Variants in NRL observed in about 807,000 individuals in gnomAD.
NRL encodes the protein neural retina-specific leucine zipper protein.
A neutral mutation model predicts 12.5 loss-of-function variants in NRL; 16 were observed. The observed-to-expected ratio is 1.28, with a 90% CI of 0.87 to 1.95. The LOEUF (loss-of-function observed/expected upper bound fraction) is 1.95. NRL is among the 30% of genes most tolerant of loss of function. The pLI, the probability that NRL is intolerant of heterozygous loss-of-function variation, is 0.00. For synonymous variants in NRL, 142 were observed against 150.9 expected (o/e 0.94, Z 0.43); for missense variants, 314 against 325.8 (o/e 0.96, Z 0.28).
intron 1 of NRL, among the ~76,000 whole-genome samples, chr14:24,096,261 CAG>C (rs1210965789): frequency 1.0e-5 from 1 of 96,880 alleles, no homozygotes; most frequent in African/African-American, 4.1e-5. Flanking sequence ...TTTTTTGAGA[CAG>C]AGTCTTGCTC....
At chr14:24,108,313 T>A (rs2037369154) in intron 1 of NRL, among the ~76,000 whole-genome samples, 1 of 152,208 alleles carries the variant, frequency 6.6e-6, no homozygotes, top group African/African-American at 2.4e-5. Context: ...CATGAACTCA[T>A]ACTGACATGT....
intron 1 of NRL, among the ~76,000 whole-genome samples, chr14:24,095,600 G>C (rs1390263527): frequency 6.6e-6 from 1 of 152,206 alleles, no homozygotes; most frequent in East Asian, 1.9e-4. Flanking sequence ...GTGGCCTCTA[G>C]GAAGAAGAGC....
chr14:24,089,974 T>C (rs1307323727), intron 1 of NRL, among the ~76,000 whole-genome samples: 2 of 152,128 alleles, frequency 1.3e-5, no homozygotes, highest in Non-Finnish European at 2.9e-5. Flanking sequence ...TAGCTGAGGC[T>C]GGAGAAGTCA....
rs1040560141 is a variant in NRL at position 24,081,709 on chromosome 14, G to A, written c.382-141C>T. On this transcript the variant is annotated intron_variant, in intron 2 of 2. Coordinates refer to ENST00000561028, the MANE Select transcript of NRL (RefSeq NM_001354768.3). This position sits in a 1 kb window ranked among gnomAD's most constrained non-coding sequence, Gnocchi z 4.4. ...ACCGGAAGGCTCGCCCTTCCACGCA[G>A]TCTGTTTCGGTCCAGAGCCCGCCCC... The A allele has an allele frequency of 8.5e-6, 13 of 1,525,404 alleles. No individual in the cohort carries two copies. Among genetic ancestry groups the A allele is most frequent in the Non-Finnish European group, 1.1e-5 (12 of 1,140,852 alleles). The allele number at this position is 1,525,404 out of a possible 1,614,324, so 94.5% of individuals were successfully genotyped here. A position where few individuals can be genotyped will look rare whatever the true frequency, so the allele number is the denominator to read the frequency against.
At chr14:24,095,081 C>A (rs1469286484) in intron 1 of NRL, 1 of 456,144 alleles carries the variant, frequency 2.2e-6, no homozygotes, top group Non-Finnish European at 4.4e-6. Context: ...CCCCCAGGCT[C>A]GTCCTGTTTG....
rs1403174005 is a variant in NRL, at chr14:24,094,868, A to G, written c.-27-11993T>C. On this transcript the variant is annotated intron_variant, in intron 1 of 2. Coordinates refer to ENST00000561028, the MANE Select transcript of NRL (RefSeq NM_001354768.3). This position sits in a 1 kb window ranked among gnomAD's most constrained non-coding sequence, Gnocchi z 4.1. ...AGGGTACGTGAGCCCCGGGAGACTA[A>G]GCTCAGAGCCCCCTAAAGAAGGTGG... is the stretch of plus-strand genomic sequence containing the variant. 1.5e-6 allele frequency: 2 copies of G among 1,293,882 alleles called. No homozygotes were observed. Among genetic ancestry groups the G allele is most frequent in the Non-Finnish European group, 2.0e-6 (2 of 989,716 alleles). The allele number at this position is 1,293,882 out of a possible 1,614,324, so 80.2% of individuals were successfully genotyped here.
chr14:24,097,644 G>A (rs1385953036), intron 1 of NRL, among the ~76,000 whole-genome samples: 1 of 150,056 alleles, frequency 6.7e-6, no homozygotes, highest in East Asian at 2.0e-4. Flanking sequence ...CTGGAGTGCA[G>A]TGGCATGATT....
At position 24,100,448 on chromosome 14, in the gene NRL, A is replaced by G. The variant is rs1045715044; in HGVS notation, c.-28+14274T>C. On this transcript the variant is annotated intron_variant, in intron 1 of 2. Transcript: ENST00000561028. ...TTCCCTAAGCTTTAGTTTCCACATC[A>G]GTTGAATGAGGGTAGTTGTGATAGT... The G allele has an allele frequency of 2.3e-5, 22 of 943,020 alleles. No individual in the cohort carries two copies. In the East Asian group the frequency reaches 2.7e-4, roughly 12 times the overall value. 58.4% of individuals were successfully genotyped at this position (943,020 alleles called of 1,614,324 possible). A position where few individuals can be genotyped will look rare whatever the true frequency, so the allele number is the denominator to read the frequency against.
At chr14:24,101,386 T>C (rs1319650985) in intron 1 of NRL, among the ~76,000 whole-genome samples, 1 of 152,130 alleles carries the variant, frequency 6.6e-6, no homozygotes, top group Admixed American at 6.6e-5. Context: ...ACTCCCCAGG[T>C]CTGACCAGCA....
intron 1 of NRL, among the ~76,000 whole-genome samples, chr14:24,097,958 C>CT (rs113313039): frequency 0.014 from 2,014 of 145,176 alleles, 26 homozygotes; most frequent in African/African-American, 0.033. Context: ...AGATCCTTTG[C>CT]TTTTTTTTTT....
chr14:24,102,763 GC>G, intron 1 of NRL: 6 of 1,613,754 alleles, frequency 3.7e-6, no homozygotes, highest in Non-Finnish European at 5.1e-6. Flanking sequence ...GTGACAAGGA[GC>G]CCTGTGCACA....
rs778580269 is a variant in NRL, at chr14:24,081,842, C to G, written c.382-274G>C. ...AGGCGAGCCCGTCGCGCACCTAAAC[C>G]CCGGGCTCGTCTCTGGGATCCCCGG... On this transcript the variant is annotated intron_variant, in intron 2 of 2. Coordinates refer to ENST00000561028, the MANE Select transcript of NRL (RefSeq NM_001354768.3). This position sits in a 1 kb window ranked among gnomAD's most constrained non-coding sequence, Gnocchi z 4.4. 3 of 1,403,758 alleles carry G rather than the reference C, an allele frequency of 2.1e-6. No homozygotes were observed. In the South Asian group the frequency reaches 4.4e-5, roughly 20 times the overall value. The allele number at this position is 1,403,758 out of a possible 1,614,324, so 87.0% of individuals were successfully genotyped here.
At chr14:24,104,120 A>G in intron 1 of NRL, 1 of 617,308 alleles carries the variant, frequency 1.6e-6, no homozygotes, top group Non-Finnish European at 2.9e-6. Flanking sequence ...ATGCTTATCT[A>G]TTTTACACAA....
At chr14:24,089,560 T>A (rs771373997) in intron 1 of NRL, among the ~76,000 whole-genome samples, 8 of 152,232 alleles carry the variant, frequency 5.3e-5, no homozygotes, top group Non-Finnish European at 7.3e-5. Flanking sequence ...TTTAAATATT[T>A]AAACACAAGG....
chr14:24,104,156 C>A, intron 1 of NRL: 1 of 589,672 alleles, frequency 1.7e-6, no homozygotes, highest in Non-Finnish European at 3.0e-6. Context: ...CATTTCCCAC[C>A]TATCTTCACA....
chr14:24,095,134 T>G (rs1259475553), intron 1 of NRL: 2 of 456,130 alleles, frequency 4.4e-6, no homozygotes, highest in Non-Finnish European at 8.8e-6. Flanking sequence ...CTGAGGCCTC[T>G]CTTCTCAGCT....
At chr14:24,112,146 T>C (rs2138998318) in intron 1 of NRL, among the ~76,000 whole-genome samples, 1 of 93,696 alleles carries the variant, frequency 1.1e-5, no homozygotes, top group South Asian at 4.1e-4. Flanking sequence ...CATTTATTGA[T>C]TTGCGTATAT....
chr14:24,084,824 A>C (rs2036425729), intron 1 of NRL: 1 of 573,732 alleles, frequency 1.7e-6, no homozygotes, highest in South Asian at 7.7e-5. Context: ...ATCTTCCCCA[A>C]CAAAGCTCCT....
chr14:24,104,361 G>C (rs924925368), intron 1 of NRL, among the ~76,000 whole-genome samples: 2 of 151,908 alleles, frequency 1.3e-5, no homozygotes, highest in African/African-American at 4.8e-5. Flanking sequence ...TGGGTGTGGT[G>C]GTTCACGCCT....
Sources: gnomAD v4.1 joint callset for allele counts (sites outside exome capture counted in the v4.1 genomes callset) on GRCh38, gnomAD v4.1.1 for gene constraint, Gnocchi (gnomAD v3.1) non-coding constraint, MANE v1.5 for transcripts, NCBI Gene and HGNC (gene_info 2026-07-23, HGNC 2026-07-21) for gene names.